Variants in COL4A6 observed in about 807,000 individuals in gnomAD.
The protein encoded by COL4A6 is collagen alpha-6(IV) chain.
A neutral mutation model predicts 126.7 loss-of-function variants in COL4A6; 59 were observed. The observed-to-expected ratio is 0.47, with a 90% confidence interval of 0.38 to 0.58. The LOEUF is 0.58. Among genes scored for constraint, COL4A6 ranks in the 20% least tolerant of loss-of-function variants. The pLI, the probability that COL4A6 is intolerant of heterozygous loss-of-function variation, is 0.00. For synonymous variants in COL4A6, 547 were observed against 496.6 expected (o/e 1.10, Z -1.35); for missense variants, 1,285 against 1,337.3 (o/e 0.96, Z 0.61).
chrX:108,415,920 T>C (rs867648842), intron 2 of COL4A6, among the ~76,000 whole-genome samples: 57 of 112,141 alleles, frequency 5.1e-4, no homozygotes, highest in African/African-American at 1.8e-3. Context: ...AAAAATAAAG[T>C]AGCTGGTGAC....
intron 3 of COL4A6, among the ~76,000 whole-genome samples, chrX:108,260,860 T>C (rs2037142235): frequency 9.1e-6 from 1 of 109,482 alleles, no homozygotes; most frequent in South Asian, 4.0e-4. Context: ...AGTTTTCAGA[T>C]AGAAAAAAAG....
intron 2 of COL4A6, among the ~76,000 whole-genome samples, chrX:108,375,774 A>G (rs1041009516): frequency 9.1e-6 from 1 of 109,963 alleles, no homozygotes; most frequent in Admixed American, 9.7e-5. Flanking sequence ...ATAAACACAA[A>G]GTCAACAGAT....
chrX:108,242,541 G>T (rs763864158), intron 3 of COL4A6, among the ~76,000 whole-genome samples: 3 of 111,836 alleles, frequency 2.7e-5, no homozygotes, highest in African/African-American at 9.7e-5. Context: ...TAAATATTTG[G>T]CAATAATAAG....
intron 2 of COL4A6, among the ~76,000 whole-genome samples, chrX:108,435,072 T>C (rs1273115469): frequency 9.0e-6 from 1 of 111,267 alleles, no homozygotes; most frequent in Non-Finnish European, 1.9e-5. Flanking sequence ...AAGAAAGAAG[T>C]TGATATTTCA....
intron 2 of COL4A6, among the ~76,000 whole-genome samples, chrX:108,401,268 T>G (rs2041082337): frequency 9.0e-6 from 1 of 110,963 alleles, no homozygotes; most frequent in Admixed American, 9.6e-5. Flanking sequence ...GGAAAATAAG[T>G]AAGTATAAAG....
chrX:108,395,915 C>G (rs2040953181), intron 2 of COL4A6, among the ~76,000 whole-genome samples: 1 of 111,633 alleles, frequency 9.0e-6, no homozygotes, highest in Admixed American at 9.6e-5. Context: ...CTCATTTAAA[C>G]ATGGCTGATC....
At chrX:108,340,511 A>T (rs1191225092) in intron 2 of COL4A6, among the ~76,000 whole-genome samples, 2 of 110,776 alleles carry the variant, frequency 1.8e-5, no homozygotes, top group Admixed American at 9.7e-5. Flanking sequence ...AAATGTAAAC[A>T]TAACTTAAAT....
At chrX:108,276,716 C>T (rs1420230042) in intron 3 of COL4A6, among the ~76,000 whole-genome samples, 1 of 111,637 alleles carries the variant, frequency 9.0e-6, no homozygotes, top group Non-Finnish European at 1.9e-5. Flanking sequence ...CTTCTTCCTG[C>T]TCCTAAGGCA....
chrX:108,301,954 G>A (rs2038500819), intron 3 of COL4A6, among the ~76,000 whole-genome samples: 1 of 111,814 alleles, frequency 8.9e-6, no homozygotes, highest in African/African-American at 3.3e-5. Context: ...GAAAGAGCAA[G>A]AGACTTTGTG....
At chrX:108,213,211 A>C (rs933768631) in intron 6 of COL4A6, among the ~76,000 whole-genome samples, 3 of 112,309 alleles carry the variant, frequency 2.7e-5, no homozygotes, top group African/African-American at 9.7e-5. Context: ...TAATTCATGT[A>C]GCTATAAAAC....
chrX:108,318,011 C>A (rs1331780842), intron 2 of COL4A6, among the ~76,000 whole-genome samples: 1 of 111,488 alleles, frequency 9.0e-6, no homozygotes, highest in Non-Finnish European at 1.9e-5. Context: ...CTATAAATTA[C>A]CTTGTTATCC....
At chrX:108,340,792 A>G (rs1303641820) in intron 2 of COL4A6, among the ~76,000 whole-genome samples, 1 of 97,014 alleles carries the variant, frequency 1.0e-5, no homozygotes, top group African/African-American at 3.9e-5. Context: ...GTTCATTAAA[A>G]AATAAAGTTA....
intron 3 of COL4A6, among the ~76,000 whole-genome samples, chrX:108,286,057 T>C (rs1603014981): frequency 8.9e-6 from 1 of 111,999 alleles, no homozygotes; most frequent in East Asian, 2.8e-4. Context: ...GTGAGCTCTT[T>C]CAGGAGTAGG....
chrX:108,211,574 C>T, intron 7 of COL4A6, 98 bp downstream of exon 7: 1 of 767,782 alleles, frequency 1.3e-6, no homozygotes, highest in Non-Finnish European at 2.0e-6. Context: ...AATAGAGACA[C>T]AGATGCTAGT....
Position 108,278,955 on chromosome X carries a change from C to G in COL4A6, c.144+31793G>C, listed in dbSNP as rs2037709874. Among the ~76,000 whole-genome samples, 5 of 111,559 alleles carry G rather than the reference C, an allele frequency of 4.5e-5. No homozygotes were observed. In the South Asian group the frequency reaches 1.9e-3, roughly 43 times the overall value. ...ACAAGCAAATGCTGAGAGATTTTGT[C>G]ACCACCAGGCCTGCCCTACAAGAGA... On this transcript the variant is annotated intron_variant, in intron 3 of 44. Coordinates refer to ENST00000334504, the MANE Select transcript of COL4A6 (RefSeq NM_033641.4).
chrX:108,310,696 T>C, intron 3 of COL4A6, 52 bp downstream of exon 3: 1 of 1,060,553 alleles, frequency 9.4e-7, no homozygotes, highest in Non-Finnish European at 1.3e-6. Flanking sequence ...AGAAAACAGA[T>C]AACAGCTCCC....
At chrX:108,385,529 A>T in intron 2 of COL4A6, among the ~76,000 whole-genome samples, 1 of 111,283 alleles carries the variant, frequency 9.0e-6, no homozygotes, top group Admixed American at 9.5e-5. Flanking sequence ...TTTCCAGATT[A>T]ACCAAATCAA....
intron 2 of COL4A6, among the ~76,000 whole-genome samples, chrX:108,319,244 C>A (rs1463921095): frequency 1.8e-5 from 2 of 112,060 alleles, no homozygotes; most frequent in Non-Finnish European, 3.8e-5. Context: ...ATGGCATGTG[C>A]CTGTAGTCCC....
chrX:108,200,980 G>T (rs919341994), intron 13 of COL4A6, among the ~76,000 whole-genome samples: 1 of 111,989 alleles, frequency 8.9e-6, no homozygotes, highest in Non-Finnish European at 1.9e-5. Flanking sequence ...GCAGGGGCTG[G>T]GTCTAAAGTT....
Sources: allele counts gnomAD v4.1 joint callset (sites outside exome capture counted in the v4.1 genomes callset), GRCh38; gene constraint gnomAD v4.1.1; transcripts MANE v1.5; gene names NCBI Gene and HGNC (gene_info 2026-07-23, HGNC 2026-07-21).